The following ZC2HC1A variants were observed in gnomAD, a reference collection of about 807,000 sequenced individuals.
ZC2HC1A encodes zinc finger C2HC-type containing 1A.
Under a neutral mutation model 40.7 loss-of-function variants are expected in ZC2HC1A, and 28 were observed. That is an observed-to-expected ratio of 0.69 (90% CI 0.51 to 0.94). The LOEUF (loss-of-function observed/expected upper bound fraction) is 0.94. Among genes scored for constraint, ZC2HC1A ranks in the 40% least tolerant of loss-of-function variants. The pLI, the probability that ZC2HC1A is intolerant of heterozygous loss-of-function variation, is 0.00. For missense variants in ZC2HC1A, 389 were observed against 386.3 expected, an observed-to-expected ratio of 1.01 and a Z score of -0.06; for synonymous variants, 129 against 129.2, an observed-to-expected ratio of 1.00 and a Z score of 0.01.
intron 2 of ZC2HC1A, among the ~76,000 whole-genome samples, chr8:78,677,003 C>A (rs1809603892): frequency 6.6e-6 from 1 of 151,914 alleles, no homozygotes; most frequent in Non-Finnish European, 1.5e-5. Context: ...TTTAAAAATA[C>A]TTAAGAGCTG....
intron 1 of ZC2HC1A, among the ~76,000 whole-genome samples, 154 bp downstream of exon 1, chr8:78,666,318 C>T (rs1000449745): frequency 3.3e-5 from 5 of 152,336 alleles, no homozygotes; most frequent in Admixed American, 2.0e-4. Flanking sequence ...CGAAGGGAAC[C>T]GGACAGTCCC....
At chr8:78,685,646 G>A (rs966008706) in intron 3 of ZC2HC1A, among the ~76,000 whole-genome samples, 25 of 152,178 alleles carry the variant, frequency 1.6e-4, no homozygotes, top group African/African-American at 5.6e-4. Context: ...TACATTAAAT[G>A]ATTCTTAGTA....
At chr8:78,670,902 C>A (rs1227036548) in intron 1 of ZC2HC1A, among the ~76,000 whole-genome samples, 1 of 152,104 alleles carries the variant, frequency 6.6e-6, no homozygotes, top group Non-Finnish European at 1.5e-5. Context: ...GGTAAATCTT[C>A]TGAGACACTG....
At chr8:78,666,830 A>G (rs534204924) in intron 1 of ZC2HC1A, among the ~76,000 whole-genome samples, 3 of 152,186 alleles carry the variant, frequency 2.0e-5, no homozygotes, top group Admixed American at 2.0e-4. Context: ...TACTGTAACC[A>G]TGACTCCAGA....
At chr8:78,675,699 A>G in intron 1 of ZC2HC1A, 88 bp from the exon 2 acceptor site, 3 of 1,202,608 alleles carry the variant, frequency 2.5e-6, no homozygotes, top group Non-Finnish European at 2.3e-6. Context: ...CTGATAATTT[A>G]CCTATAAAAC....
chr8:78,707,234 A>T (rs986300086), intron 7 of ZC2HC1A, among the ~76,000 whole-genome samples: 1 of 152,168 alleles, frequency 6.6e-6, no homozygotes, highest in Non-Finnish European at 1.5e-5. Context: ...TTAAAAGCTG[A>T]TATTTTTCAG....
At chr8:78,673,700 C>T (rs80330399) in intron 1 of ZC2HC1A, among the ~76,000 whole-genome samples, 2,089 of 152,238 alleles carry the variant, frequency 0.014, 26 homozygotes, top group South Asian at 0.031. Context: ...AAGTTCCCTC[C>T]GTAGGTCTTG....
chr8:78,679,799 A>G (rs563868571), intron 3 of ZC2HC1A, among the ~76,000 whole-genome samples: 1 of 152,336 alleles, frequency 6.6e-6, no homozygotes, highest in African/African-American at 2.4e-5. Context: ...TTGATGATAG[A>G]AAAATTAGAT....
At chr8:78,714,854 G>A (rs975312736) in intron 7 of ZC2HC1A, among the ~76,000 whole-genome samples, 18 of 152,014 alleles carry the variant, frequency 1.2e-4, no homozygotes, top group Non-Finnish European at 4.4e-5. Flanking sequence ...AATGAAACTT[G>A]TTTGTTTATT....
intron 4 of ZC2HC1A, among the ~76,000 whole-genome samples, 174 bp downstream of exon 4, chr8:78,686,782 A>G (rs1388332041): frequency 6.6e-6 from 1 of 152,222 alleles, no homozygotes; most frequent in Non-Finnish European, 1.5e-5. Flanking sequence ...TTATAAAGAC[A>G]TTAATTTAGA....
At chr8:78,704,174 G>C (rs925578823) in intron 7 of ZC2HC1A, among the ~76,000 whole-genome samples, 23 of 152,002 alleles carry the variant, frequency 1.5e-4, no homozygotes, top group African/African-American at 2.4e-5. Context: ...CTGAGGTCAG[G>C]AGTTCAAGAC....
At chr8:78,677,419 A>G (rs553661810) in intron 2 of ZC2HC1A, among the ~76,000 whole-genome samples, 3 of 152,248 alleles carry the variant, frequency 2.0e-5, no homozygotes, top group Admixed American at 2.0e-4. Context: ...AGGCGAAGAA[A>G]ACTGCAAAGT....
intron 1 of ZC2HC1A, 92 bp downstream of exon 1, chr8:78,666,256 G>A: frequency 6.5e-7 from 1 of 1,535,560 alleles, no homozygotes; most frequent in South Asian, 1.2e-5. Flanking sequence ...GCGAGGGCTG[G>A]TTCGGTGCGG....
At chr8:78,698,823 A>G (rs1810513420) in intron 7 of ZC2HC1A, among the ~76,000 whole-genome samples, 1 of 152,214 alleles carries the variant, frequency 6.6e-6, no homozygotes, top group Non-Finnish European at 1.5e-5. Flanking sequence ...TTTACTAAGC[A>G]CTATGTATCA....
At position 78,672,418 on chromosome 8, in the gene ZC2HC1A, A is replaced by G. The variant is rs563919522; in HGVS notation, c.17-3369A>G. On this transcript the variant is annotated intron_variant, in intron 1 of 8. Transcript: ENST00000263849. ...AATTCAAATAATACATGCGGTTTGCATAACTAGGTGATCTTAACCTTATAG... is the reference window on the plus strand; with the variant it reads ...AATTCAAATAATACATGCGGTTTGCGTAACTAGGTGATCTTAACCTTATAG... Among the ~76,000 whole-genome samples, 3 of 152,294 alleles carry G rather than the reference A, an allele frequency of 2.0e-5. No individual in the cohort carries two copies. In the South Asian group the frequency reaches 6.2e-4, roughly 32 times the overall value.
At chr8:78,715,608 A>C (rs1811077046) in intron 8 of ZC2HC1A, among the ~76,000 whole-genome samples, 1 of 152,220 alleles carries the variant, frequency 6.6e-6, no homozygotes. Flanking sequence ...AAGTTGTTCC[A>C]AACTTCATGG....
Position 78,689,218 on chromosome 8 carries a change from A to C in ZC2HC1A, c.353-4A>C, listed in dbSNP as rs1416870907. The stretch of plus-strand genomic sequence containing the variant: ...TAATCTGTTTCCGTTTTTATCTGTT[A>C]TAGATTATATTCAATGTCCATATTG... On this transcript the variant is annotated splice_polypyrimidine_tract_variant and splice_region_variant and intron_variant, in intron 4 of 8. Transcript: ENST00000263849. The C allele has an allele frequency of 6.5e-7, 1 of 1,549,536 alleles. No individual in the cohort carries two copies. The highest frequency in any genetic ancestry group is 8.7e-7 in the Non-Finnish European group (1 of 1,150,720).
At chr8:78,703,064 T>G (rs1810659038) in intron 7 of ZC2HC1A, among the ~76,000 whole-genome samples, 1 of 151,974 alleles carries the variant, frequency 6.6e-6, no homozygotes, top group South Asian at 2.1e-4. Flanking sequence ...ACCTGGCTAA[T>G]TTTTGTATTT....
chr8:78,694,142 A>C (rs1347416512), intron 5 of ZC2HC1A, among the ~76,000 whole-genome samples: 2 of 151,648 alleles, frequency 1.3e-5, no homozygotes, highest in African/African-American at 4.8e-5. Flanking sequence ...TATTTTTCTA[A>C]TTTCCTATTT....
Sources: allele counts gnomAD v4.1 joint callset (sites outside exome capture counted in the v4.1 genomes callset), GRCh38; gene constraint gnomAD v4.1.1; transcripts MANE v1.5; gene names NCBI Gene and HGNC (gene_info 2026-07-23, HGNC 2026-07-21).